The following TOPBP1 variants were observed in gnomAD, a reference collection of about 807,000 sequenced individuals.
TOPBP1 encodes the protein DNA topoisomerase II binding protein 1.
In TOPBP1, 28 loss-of-function variants were observed where a neutral mutation model predicts 167.7. The observed-to-expected ratio is 0.17, with a 90% CI of 0.12 to 0.23. The LOEUF (loss-of-function observed/expected upper bound fraction) is 0.23, where lower values mean the gene tolerates loss of function less well. Among genes scored for constraint, TOPBP1 ranks in the 10% least tolerant of loss-of-function variants. The pLI, the probability that TOPBP1 is intolerant of heterozygous loss-of-function variation, is 1.00. For synonymous variants in TOPBP1, 598 were observed against 611.4 expected (o/e 0.98, Z 0.32); for missense variants, 1,554 against 1,809.6 (o/e 0.86, Z 2.56).
intron 5 of TOPBP1, 94 bp downstream of exon 5, chr3:133,656,582 C>T: frequency 8.2e-7 from 1 of 1,221,132 alleles, no homozygotes; most frequent in Non-Finnish European, 1.1e-6. Context: ...TATTTTTTTC[C>T]CTGAATAGTA....
chr3:133,638,754 C>T (rs1261935194), intron 13 of TOPBP1, among the ~76,000 whole-genome samples: 3 of 152,178 alleles, frequency 2.0e-5, no homozygotes, highest in African/African-American at 7.2e-5. Context: ...AGAGAGGGTA[C>T]TGTATTCTTC....
chr3:133,620,279 A>G lies in TOPBP1; in HGVS notation c.3247T>C (p.Ser1083Pro). 6.2e-7 allele frequency: 1 copy of G among 1,613,986 alleles called. No homozygotes were observed. The highest frequency in any genetic ancestry group is 8.5e-7 in the Non-Finnish European group (1 of 1,179,878). Reference sequence around the variant, plus strand: ...CTCTGCCCTTGGGGTTTCACTATTGATGTTGCAGACATTATCTCCTGTAAC... The same window carrying G: ...CTCTGCCCTTGGGGTTTCACTATTGGTGTTGCAGACATTATCTCCTGTAAC... ...KQLQEIMSAT[S>P]IVKPQGQRTS... Residue 1083 changes from serine to proline, a missense_variant, in exon 20 of 28, where the codon TCA (serine) becomes CCA (proline). Ser to Pro is a moderately conservative substitution (Grantham distance 74, BLOSUM62 -1). This residue lies in a region of TOPBP1 where 1,197 missense variants were observed against 1,351.5 expected (regional missense o/e 0.89). Transcript: ENST00000260810.
intron 27 of TOPBP1, among the ~76,000 whole-genome samples, chr3:133,602,058 AAC>A (rs1934323666): frequency 6.6e-6 from 1 of 152,200 alleles, no homozygotes. Context: ...CCTGTTAAAC[AAC>A]ACAGTACTCT....
At position 133,640,021 on chromosome 3, in the gene TOPBP1, GTC is replaced by G; in HGVS notation, c.2169_2170del (p.Glu723AspfsTer3). The G allele has an allele frequency of 6.2e-7, 1 of 1,613,882 alleles. No homozygotes were observed. Among genetic ancestry groups the G allele is most frequent in the Non-Finnish European group, 8.5e-7 (1 of 1,179,854 alleles). On this transcript the variant is annotated frameshift_variant, in exon 13 of 28. Coordinates refer to ENST00000260810, the MANE Select transcript of TOPBP1 (RefSeq NM_007027.4). LOFTEE classifies it high-confidence loss of function. The stretch of plus-strand genomic sequence containing the variant: ...GTCTGCTCTCTTTCCCGTTCTAGCA[GTC>G]TCCAACAGCCAAGCTATAGTAACGG...
At chr3:133,626,600 A>G (rs1309588634) in intron 16 of TOPBP1, among the ~76,000 whole-genome samples, 1 of 152,220 alleles carries the variant, frequency 6.6e-6, no homozygotes, top group Non-Finnish European at 1.5e-5. Flanking sequence ...TTGATGGAAG[A>G]CCACTGCTAC....
chr3:133,647,099 T>C (rs565479734), intron 10 of TOPBP1, among the ~76,000 whole-genome samples: 5 of 152,234 alleles, frequency 3.3e-5, no homozygotes, highest in East Asian at 3.9e-4. Flanking sequence ...CCAGAACCCA[T>C]GAAGAGACAT....
Position 133,618,420 on chromosome 3 carries a change from T to A in TOPBP1, c.3385A>T (p.Thr1129Ser). 6.2e-7 allele frequency: 1 copy of A among 1,613,642 alleles called. No homozygotes were observed. Among genetic ancestry groups the A allele is most frequent in the Non-Finnish European group, 8.5e-7 (1 of 1,179,610 alleles). ...GGCTCTGTGTTGACATCAGGTACTG[T>A]CTGACGAGACTGCCTAAGGAATAGA... Reference protein sequence around the residue: ...VLEALRQSRQTVPDVNTEPSQ... With the variant: ...VLEALRQSRQSVPDVNTEPSQ... The change falls in exon 21 of 28, where the codon ACA becomes TCA. Residue 1129 changes from threonine (T) to serine (S), a missense_variant. Physicochemically the swap from Thr to Ser is moderately conservative, Grantham distance 58 (BLOSUM62 1). Coordinates refer to ENST00000260810, the MANE Select transcript of TOPBP1 (RefSeq NM_007027.4).
intron 6 of TOPBP1, among the ~76,000 whole-genome samples, chr3:133,654,770 G>A (rs1297095889): frequency 6.6e-6 from 1 of 152,128 alleles, no homozygotes; most frequent in African/African-American, 2.4e-5. Context: ...ATTTTTTACT[G>A]CCTCATGTGC....
intron 23 of TOPBP1, among the ~76,000 whole-genome samples, chr3:133,614,664 T>C (rs1409140892): frequency 6.6e-6 from 1 of 152,168 alleles, no homozygotes; most frequent in Non-Finnish European, 1.5e-5. Context: ...GAAAAATCTA[T>C]AGGAGACTGA....
intron 10 of TOPBP1, among the ~76,000 whole-genome samples, chr3:133,648,552 C>A (rs1936163447): frequency 6.6e-6 from 1 of 152,180 alleles, no homozygotes; most frequent in Admixed American, 6.5e-5. Context: ...AATCCCAGCA[C>A]TTTGGGAGGC....
At position 133,616,800 on chromosome 3, in the gene TOPBP1, TA is replaced by T; in HGVS notation, c.3871+13del. The T allele has an allele frequency of 6.9e-7, 1 of 1,442,212 alleles. No homozygotes were observed. The highest frequency in any genetic ancestry group is 1.4e-5 in the South Asian group (1 of 72,370). 89.3% of individuals were successfully genotyped at this position (1,442,212 alleles called of 1,614,324 possible). A position where few individuals can be genotyped will look rare whatever the true frequency, so the allele number is the denominator to read the frequency against. ...TTATATGGGACATTTTGGATTTAAGTAAAATACTGGTACCTAGTTTCTCAAT... is the reference window on the plus strand; with the variant it reads ...TTATATGGGACATTTTGGATTTAAGTAAATACTGGTACCTAGTTTCTCAAT... On this transcript the variant is annotated intron_variant, in intron 23 of 27. Transcript: ENST00000260810.
intron 16 of TOPBP1, among the ~76,000 whole-genome samples, chr3:133,627,422 A>T (rs1935305056): frequency 6.6e-6 from 1 of 152,224 alleles, no homozygotes; most frequent in South Asian, 2.1e-4. Flanking sequence ...TAATTAGATA[A>T]TAACAGATAA....
At chr3:133,618,034 A>G in intron 21 of TOPBP1, 179 bp downstream of exon 21, 1 of 585,926 alleles carries the variant, frequency 1.7e-6, no homozygotes, top group Non-Finnish European at 3.0e-6. Flanking sequence ...TTTACTGATG[A>G]AGTACCTCAA....
At chr3:133,658,048 C>T in intron 3 of TOPBP1, 107 bp from the exon 4 acceptor site, 1 of 866,106 alleles carries the variant, frequency 1.2e-6, no homozygotes, top group Non-Finnish European at 1.6e-6. Flanking sequence ...TTGATGACCA[C>T]TGTAGAGAAA....
chr3:133,660,634 T>C (rs1311393798), intron 2 of TOPBP1, among the ~76,000 whole-genome samples: 1 of 152,242 alleles, frequency 6.6e-6, no homozygotes, highest in African/African-American at 2.4e-5. Flanking sequence ...AGCAAGGATC[T>C]ACATCACCCC....
At position 133,623,134 on chromosome 3, in the gene TOPBP1, C is replaced by T; in HGVS notation, c.3135G>A (p.Glu1045=). ...DVDNMATNNK[E]SAPSNGSGKN... is the part of the protein sequence containing the mutation. ...TTCCACTTCCATTTGATGGTGCTGA[C>T]TCTTTATTATTGGTGGCCATATTGT... The change falls in exon 19 of 28, where the codon GAG becomes GAA. Residue 1045 remains glutamate (E), a synonymous_variant. Transcript: ENST00000260810. The T allele has an allele frequency of 6.2e-7, 1 of 1,612,042 alleles. No individual in the cohort carries two copies. The highest frequency in any genetic ancestry group is 1.1e-5 in the South Asian group (1 of 90,920).
chr3:133,616,122 C>CT (rs200080685), intron 23 of TOPBP1, among the ~76,000 whole-genome samples: 3,571 of 141,242 alleles, frequency 0.025, 112 homozygotes, highest in African/African-American at 0.071. Context: ...TTTCTTTTCC[C>CT]TTTTTTTTTT....
Position 133,624,111 on chromosome 3 carries a change from C to T in TOPBP1, c.2869G>A (p.Glu957Lys), listed in dbSNP as rs1935190416. 14 of 1,613,698 alleles carry T rather than the reference C, an allele frequency of 8.7e-6. No homozygotes were observed. Among genetic ancestry groups the T allele is most frequent in the Non-Finnish European group, 1.2e-5 (14 of 1,179,824 alleles). Residue 957 changes from glutamate (E) to lysine (K), a missense_variant, in exon 17 of 28, where the codon GAG becomes AAG. Transcript: ENST00000260810. ...YQGRPNDTNR[E>K]YKSVKERGVH... ...CCTCTTTCTTTTACAGATTTATACT[C>T]CCGATTAGTGTCATTTGGCCGCCCT...
Position 133,616,282 on chromosome 3 carries a change from G to A in TOPBP1, c.3871+532C>T, listed in dbSNP as rs561766558. ...TCACAGGCATGTGCCTCTACGTCTC[G>A]CAAATTTTTTTGTATTTTTAGTAGA... On this transcript the variant is annotated intron_variant, in intron 23 of 27. Transcript: ENST00000260810. Among the ~76,000 whole-genome samples the A allele has an allele frequency of 1.3e-3, 189 of 147,260 alleles. 4 individuals are homozygous for A. The highest frequency in any genetic ancestry group is 4.4e-3 in the African/African-American group (181 of 41,062).
Sources: gnomAD v4.1 joint callset for allele counts (sites outside exome capture counted in the v4.1 genomes callset) on GRCh38, gnomAD v4.1.1 for gene constraint, gnomAD v4.1.1 regional missense constraint, MANE v1.5 for transcripts, NCBI Gene and HGNC (gene_info 2026-07-23, HGNC 2026-07-21) for gene names.